SETD1B: variants seen among roughly 807,000 people sequenced by gnomAD.
The protein encoded by SETD1B is SET domain containing 1B, histone lysine methyltransferase, also known as histone-lysine N-methyltransferase SETD1B.
SETD1B carries 7 observed loss-of-function variants against 148.0 expected under a neutral mutation model. That is an observed-to-expected ratio of 0.05 (90% CI 0.03 to 0.09). The LOEUF is 0.09. Ranked by LOEUF, SETD1B falls within the 10% of genes least tolerant of loss-of-function variation. The pLI is 1.00. For missense variants in SETD1B, 2,155 were observed against 2,729.9 expected (o/e 0.79, Z 4.69); for synonymous variants, 1,361 against 1,186.5 (o/e 1.15, Z -3.02).
chr12:121,827,704 G>A, intron 14 of SETD1B, 31 bp from the exon 15 acceptor site: 1 of 1,551,712 alleles, frequency 6.4e-7, no homozygotes, highest in Non-Finnish European at 8.7e-7. Flanking sequence ...CTGAGACCGG[G>A]GCTCACCTCT....
chr12:121,821,569 A>G (rs1876569038), intron 11 of SETD1B, among the ~76,000 whole-genome samples: 1 of 151,818 alleles, frequency 6.6e-6, no homozygotes, highest in African/African-American at 2.4e-5. Flanking sequence ...GGCCAGCATG[A>G]CGAAACCCCA....
chr12:121,802,675 G>C (rs770338646), upstream of SETD1B: 7 of 152,088 alleles, frequency 4.6e-5, no homozygotes, highest in Non-Finnish European at 7.3e-5. Context: ...TGACATGAAT[G>C]GTGTGCTATG....
chr12:121,816,121 C>T (rs1436407057), intron 7 of SETD1B, among the ~76,000 whole-genome samples: 2 of 152,144 alleles, frequency 1.3e-5, no homozygotes, highest in Non-Finnish European at 2.9e-5. Flanking sequence ...AGCCACTATG[C>T]CTGGTCTCTT....
At position 121,830,051 on chromosome 12, in the gene SETD1B, C is replaced by G. The variant is rs529035287; in HGVS notation, c.5728-15C>G. On this transcript the variant is annotated splice_polypyrimidine_tract_variant and intron_variant, in intron 16 of 16. Coordinates refer to ENST00000604567, the MANE Select transcript of SETD1B (RefSeq NM_001353345.2). The surrounding 1 kb of genome is among the most constrained non-coding windows in gnomAD (Gnocchi z 5.7). The stretch of plus-strand genomic sequence containing the variant: ...GGGGACCAGGGGCTCATTCTCCCCC[C>G]CACCTTGCCTGCAGCCCAACTGCTA... 15 of 1,545,746 alleles carry G rather than the reference C, an allele frequency of 9.7e-6. No homozygotes were observed. Among genetic ancestry groups the G allele is most frequent in the Middle Eastern group, 1.8e-4 (1 of 5,526 alleles).
Position 121,823,446 on chromosome 12 carries a change from C to G in SETD1B, c.4867C>G (p.Arg1623Gly). ...WPSEAIPPGPRGRDEVTEEYM... is the reference protein window; with the variant it reads ...WPSEAIPPGPGGRDEVTEEYM... Reference sequence around the variant, plus strand: ...CTCCGAGGCCATTCCTCCGGGCCCCCGTGGGCGCGATGAGGTCACTGAGGA... The same window carrying G: ...CTCCGAGGCCATTCCTCCGGGCCCCGGTGGGCGCGATGAGGTCACTGAGGA... The change falls in exon 12 of 17, where the codon CGT becomes GGT. Residue 1623 changes from arginine to glycine, a missense_variant. Physicochemically the swap from Arg to Gly is moderately radical, Grantham distance 125. This residue lies in a region of SETD1B where 862 missense variants were observed against 873.8 expected (regional missense o/e 0.99). Transcript: ENST00000604567. 6.5e-7 allele frequency: 1 copy of G among 1,549,752 alleles called. No homozygotes were observed. Among genetic ancestry groups the G allele is most frequent in the Non-Finnish European group, 8.7e-7 (1 of 1,146,840 alleles).
intron 7 of SETD1B, among the ~76,000 whole-genome samples, chr12:121,816,428 T>C (rs976190267): frequency 6.6e-6 from 1 of 152,214 alleles, no homozygotes; most frequent in Admixed American, 6.5e-5. Flanking sequence ...CTGAAATCAC[T>C]GATACACAGC....
At position 121,808,395 on chromosome 12, in the gene SETD1B, C is replaced by T; in HGVS notation, c.657+75C>T. ...CCCCACCTCTGGAAAGCCTCACCAA[C>T]TCTCTTATGGGACCCCCAGCCTACC... On this transcript the variant is annotated intron_variant, in intron 5 of 16. Transcript: ENST00000604567. This position sits in a 1 kb window ranked among gnomAD's most constrained non-coding sequence, Gnocchi z 5.3. The T allele has an allele frequency of 1.0e-6, 1 of 984,540 alleles. No individual in the cohort carries two copies. Among genetic ancestry groups the T allele is most frequent in the Non-Finnish European group, 1.5e-6 (1 of 649,584 alleles). 61.0% of individuals were successfully genotyped at this position (984,540 alleles called of 1,614,324 possible). A position where few individuals can be genotyped will look rare whatever the true frequency, so the allele number is the denominator to read the frequency against.
At chr12:121,797,264 G>A in the SETD1B span, 3 of 362,324 alleles carry the variant, frequency 8.3e-6, no homozygotes, top group Non-Finnish European at 1.6e-5. Flanking sequence ...GGATGCCGGC[G>A]ACTCAGTAGT....
chr12:121,825,647 G>GTT (rs370480791), intron 13 of SETD1B, among the ~76,000 whole-genome samples: 2 of 147,652 alleles, frequency 1.4e-5, no homozygotes, highest in Admixed American at 6.8e-5. Context: ...TTTTGCTTGG[G>GTT]TTTTTTTTTT....
chr12:121,797,956 G>A, the SETD1B span: 1 of 269,494 alleles, frequency 3.7e-6, no homozygotes, highest in South Asian at 3.4e-5. Flanking sequence ...GCTGGACCCA[G>A]CACGGCTCAT....
At chr12:121,798,075 G>A in the SETD1B span, among the ~76,000 whole-genome samples, 3 of 152,234 alleles carry the variant, frequency 2.0e-5, no homozygotes, top group Admixed American at 6.5e-5. Flanking sequence ...CAGCTGGCAC[G>A]GGAGGAAGCC....
In SETD1B at chr12:121,819,506, C is replaced by T. The variant is rs780861169; in HGVS notation, c.3521C>T (p.Ser1174Phe). 11 of 1,552,176 alleles carry T rather than the reference C, an allele frequency of 7.1e-6. No individual in the cohort carries two copies. The highest frequency in any genetic ancestry group is 9.6e-6 in the Non-Finnish European group (11 of 1,147,164). Reference sequence around the variant, plus strand: ...TCAAGCTCCGAGTCCTCGCCCTCATCCTCGGAGGATGAGGAGGAGGTAGTG... The same window carrying T: ...TCAAGCTCCGAGTCCTCGCCCTCATTCTCGGAGGATGAGGAGGAGGTAGTG... Reference protein sequence around the residue: ...FESSSESSPSSSEDEEEVVAR... With the variant: ...FESSSESSPSFSEDEEEVVAR... The change falls in exon 11 of 17, where the codon TCC becomes TTC. Residue 1174 changes from serine (S) to phenylalanine (F), a missense_variant. Ser to Phe is a radical substitution (Grantham distance 155). Transcript: ENST00000604567.
chr12:121,793,588 C>A, the SETD1B span: 1 of 1,553,010 alleles, frequency 6.4e-7, no homozygotes, highest in East Asian at 2.4e-5. Flanking sequence ...TCCTTCCTGC[C>A]CGGACCGGGG....
the SETD1B span, chr12:121,797,230 GGGCGGAGAGGCCGGAAGA>G: frequency 1.4e-5 from 5 of 357,652 alleles, no homozygotes; most frequent in East Asian, 3.7e-4. Context: ...CTAGGGCTCC[GGGCGGAGAGGCCGGAAGA>G]GGCGGGGATG....
At chr12:121,824,280 G>A (rs563513074) in intron 12 of SETD1B, among the ~76,000 whole-genome samples, 14 of 152,314 alleles carry the variant, frequency 9.2e-5, no homozygotes, top group African/African-American at 3.4e-4. Flanking sequence ...TGTTCACATA[G>A]GCCAGTGAGG....
chr12:121,804,781 C>G lies in SETD1B; in HGVS notation c.44C>G (p.Pro15Arg). The G allele has an allele frequency of 6.4e-7, 1 of 1,550,918 alleles. No individual in the cohort carries two copies. The highest frequency in any genetic ancestry group is 8.7e-7 in the Non-Finnish European group (1 of 1,146,784). The change falls in exon 2 of 17, where the codon CCG becomes CGG. Residue 15 changes from proline (P) to arginine (R), a missense_variant. Pro to Arg is a moderately radical substitution (Grantham distance 103). Around this residue, in one of 11 missense-constraint regions of SETD1B, gnomAD observed 36 missense variants for 23.5 expected, o/e 1.53. Transcript: ENST00000604567. This position sits in a 1 kb window ranked among gnomAD's most constrained non-coding sequence, Gnocchi z 4.6. ...CCCCACCACCACCACCAGCAGCCCC[C>G]GCCGCAGCCCGGCCCTTCGGGCGAG... is the stretch of plus-strand genomic sequence containing the variant. Reference protein sequence around the residue: ...HPPHHHHQQPPPQPGPSGERR... With the variant: ...HPPHHHHQQPRPQPGPSGERR...
chr12:121,816,260 A>G (rs1408198935), intron 7 of SETD1B, among the ~76,000 whole-genome samples: 1 of 67,186 alleles, frequency 1.5e-5, no homozygotes, highest in African/African-American at 5.6e-5. Context: ...CCTCCACCCC[A>G]TTCCCCCCTG....
chr12:121,808,300 A>T lies in SETD1B; in HGVS notation c.637A>T (p.Ile213Phe), dbSNP rs772970687. Residue 213 changes from isoleucine to phenylalanine, a missense_variant, in exon 5 of 17, where the codon ATC becomes TTC. Coordinates refer to ENST00000604567, the MANE Select transcript of SETD1B (RefSeq NM_001353345.2). The surrounding 1 kb of genome is among the most constrained non-coding windows in gnomAD (Gnocchi z 5.3). ...GGGCGAGCTGGACGCTGTCTCTCCA[A>T]TCGTGAATGAGACCCTGCAGGTGGG... ...PVGELDAVSP[I>F]VNETLQLSDA... 4.5e-6 allele frequency: 7 copies of T among 1,545,844 alleles called. No homozygotes were observed. The highest frequency in any genetic ancestry group is 2.8e-5 in the African/African-American group (2 of 72,288).
rs914781667 is a variant in SETD1B at position 121,805,375 on chromosome 12, C to T, written c.273+159C>T. Among the ~76,000 whole-genome samples, 4 of 152,086 alleles carry T rather than the reference C, an allele frequency of 2.6e-5. No individual in the cohort carries two copies. The highest frequency in any genetic ancestry group is 6.5e-5 in the Admixed American group (1 of 15,274). On this transcript the variant is annotated intron_variant, in intron 3 of 16. Transcript: ENST00000604567. The surrounding 1 kb of genome is among the most constrained non-coding windows in gnomAD (Gnocchi z 4.2). ...GTAGAGCGCTGGCGAGAGGGTGTCC[C>T]CTCTCAGCTACTGAAAACAAAATAA...
Sources: allele counts gnomAD v4.1 joint callset (sites outside exome capture counted in the v4.1 genomes callset), GRCh38; gene constraint gnomAD v4.1.1; regional missense constraint gnomAD v4.1.1; non-coding constraint Gnocchi (gnomAD v3.1); transcripts MANE v1.5; gene names NCBI Gene and HGNC (gene_info 2026-07-23, HGNC 2026-07-21).